HS6ST3: variants seen among roughly 807,000 people sequenced by gnomAD.
HS6ST3 encodes the protein heparan-sulfate 6-O-sulfotransferase 3.
HS6ST3 carries 12 observed loss-of-function variants against 36.7 expected under a neutral mutation model. The observed-to-expected ratio is 0.33, with a 90% CI of 0.21 to 0.53. The LOEUF (loss-of-function observed/expected upper bound fraction) is 0.53. HS6ST3 is among the 20% of genes least tolerant of loss of function. HS6ST3 has a pLI of 0.95. For missense variants in HS6ST3, 584 were observed against 640.9 expected (o/e 0.91, Z 0.96); for synonymous variants, 240 against 257.5 (o/e 0.93, Z 0.65).
chr13:96,194,365 T>C (rs2139347574), intron 1 of HS6ST3, among the ~76,000 whole-genome samples: 1 of 152,254 alleles, frequency 6.6e-6, no homozygotes, highest in African/African-American at 2.4e-5. Flanking sequence ...AGATAAATTA[T>C]CGTCAATTAT....
At chr13:96,651,112 C>A (rs1468476855) in intron 1 of HS6ST3, among the ~76,000 whole-genome samples, 3 of 151,984 alleles carry the variant, frequency 2.0e-5, no homozygotes, top group Non-Finnish European at 4.4e-5. Context: ...TTACTTCTAA[C>A]CTATATTTTG....
At chr13:96,403,062 G>A (rs931702960) in intron 1 of HS6ST3, among the ~76,000 whole-genome samples, 8 of 152,152 alleles carry the variant, frequency 5.3e-5, no homozygotes, top group East Asian at 1.9e-4. Flanking sequence ...CCTGATCCCC[G>A]TCTTTGTAAC....
intron 1 of HS6ST3, among the ~76,000 whole-genome samples, chr13:96,816,895 G>T (rs1878432202): frequency 6.6e-6 from 1 of 152,162 alleles, no homozygotes; most frequent in South Asian, 2.1e-4. Context: ...AAGGGTGCTA[G>T]GTCGTGTTCT....
At chr13:96,712,488 G>A (rs1441427826) in intron 1 of HS6ST3, among the ~76,000 whole-genome samples, 1 of 152,070 alleles carries the variant, frequency 6.6e-6, no homozygotes, top group Non-Finnish European at 1.5e-5. Flanking sequence ...AAAAGCATAG[G>A]GTCTCTATTA....
At chr13:96,303,866 G>A (rs1215288396) in intron 1 of HS6ST3, among the ~76,000 whole-genome samples, 1 of 152,042 alleles carries the variant, frequency 6.6e-6, no homozygotes, top group African/African-American at 2.4e-5. Context: ...ACTTGGGTAG[G>A]GCTCAGTGGC....
intron 1 of HS6ST3, among the ~76,000 whole-genome samples, chr13:96,446,205 A>G (rs76107226): frequency 6.6e-6 from 1 of 152,146 alleles, no homozygotes; most frequent in Non-Finnish European, 1.5e-5. Flanking sequence ...TAAGTAAAAA[A>G]TATTTCGTTT....
chr13:96,584,775 A>G (rs1566403893), intron 1 of HS6ST3, among the ~76,000 whole-genome samples: 1 of 152,196 alleles, frequency 6.6e-6, no homozygotes, highest in African/African-American at 2.4e-5. Context: ...TATAAGGTCC[A>G]GGGAAGCTAA....
intron 1 of HS6ST3, among the ~76,000 whole-genome samples, chr13:96,244,017 C>T (rs1400771289): frequency 9.2e-5 from 14 of 151,652 alleles, no homozygotes; most frequent in Admixed American, 2.6e-4. Context: ...AAGGCCCCCC[C>T]GAGAATCTTA....
intron 1 of HS6ST3, among the ~76,000 whole-genome samples, chr13:96,567,354 G>A (rs1487684370): frequency 6.6e-6 from 1 of 152,122 alleles, no homozygotes; most frequent in Non-Finnish European, 1.5e-5. Flanking sequence ...CAGAGAGGGG[G>A]TGGTAGAGGT....
chr13:96,138,539 C>T (rs114120475), intron 1 of HS6ST3, among the ~76,000 whole-genome samples: 3,046 of 151,460 alleles, frequency 0.02, 89 homozygotes, highest in African/African-American at 0.068. Flanking sequence ...ACCATAAAAC[C>T]GTCACCACAA....
At chr13:96,456,287 T>C (rs936685881) in intron 1 of HS6ST3, among the ~76,000 whole-genome samples, 1 of 152,194 alleles carries the variant, frequency 6.6e-6, no homozygotes, top group African/African-American at 2.4e-5. Flanking sequence ...TGACCCTTTG[T>C]GAGAAATCAT....
At chr13:96,401,488 G>C (rs144654161) in intron 1 of HS6ST3, among the ~76,000 whole-genome samples, 1 of 152,294 alleles carries the variant, frequency 6.6e-6, no homozygotes, top group East Asian at 1.9e-4. Context: ...AATCTTGGTA[G>C]CACTGTCCTT....
At chr13:96,516,363 T>C (rs974319398) in intron 1 of HS6ST3, among the ~76,000 whole-genome samples, 4 of 152,170 alleles carry the variant, frequency 2.6e-5, no homozygotes, top group Non-Finnish European at 1.5e-5. Flanking sequence ...CCAACATTTA[T>C]ATCATACTTA....
At chr13:96,609,126 C>T (rs1023319181) in intron 1 of HS6ST3, among the ~76,000 whole-genome samples, 8 of 141,208 alleles carry the variant, frequency 5.7e-5, no homozygotes, top group African/African-American at 1.7e-4. Flanking sequence ...CCCGCCACCA[C>T]GCCCAGCTAA....
chr13:96,391,254 C>A (rs2055393877), intron 1 of HS6ST3, among the ~76,000 whole-genome samples: 1 of 152,060 alleles, frequency 6.6e-6, no homozygotes, highest in African/African-American at 2.4e-5. Flanking sequence ...TTTGTGTTTG[C>A]TTTTTTTGGC....
chr13:96,660,576 A>G (rs2056642868), intron 1 of HS6ST3, among the ~76,000 whole-genome samples: 1 of 152,174 alleles, frequency 6.6e-6, no homozygotes, highest in Non-Finnish European at 1.5e-5. Flanking sequence ...TAAAACTCCT[A>G]AAAGAAAACA....
chr13:96,351,335 T>TTTAAAA (rs1203595829), intron 1 of HS6ST3, among the ~76,000 whole-genome samples: 1 of 146,366 alleles, frequency 6.8e-6, no homozygotes, highest in African/African-American at 2.6e-5. Context: ...TTTTTTTTTT[T>TTTAAAA]AAAAAAAACA....
At chr13:96,658,576 C>A (rs879312935) in intron 1 of HS6ST3, among the ~76,000 whole-genome samples, 13 of 23,438 alleles carry the variant, frequency 5.5e-4, no homozygotes, top group Non-Finnish European at 1.7e-3. Context: ...AGCCACCATG[C>A]CTGGCCGTAT....
At chr13:96,654,983 G>A (rs942236881) in intron 1 of HS6ST3, among the ~76,000 whole-genome samples, 1 of 152,040 alleles carries the variant, frequency 6.6e-6, no homozygotes, top group East Asian at 1.9e-4. Flanking sequence ...TTTTTCCCCT[G>A]AAGAGTTTAC....
Sources: gnomAD v4.1 joint callset for allele counts (sites outside exome capture counted in the v4.1 genomes callset) on GRCh38, gnomAD v4.1.1 for gene constraint, MANE v1.5 for transcripts, NCBI Gene and HGNC (gene_info 2026-07-23, HGNC 2026-07-21) for gene names.